MTMR8: variants seen among roughly 807,000 people sequenced by gnomAD.
MTMR8 encodes myotubularin related protein 8, also known as phosphatidylinositol-3,5-bisphosphate 3-phosphatase MTMR8.
MTMR8 carries 65 observed loss-of-function variants against 39.3 expected under a neutral mutation model. The observed-to-expected ratio is 1.65, with a 90% CI of 1.35 to 2.03. The LOEUF (loss-of-function observed/expected upper bound fraction) is 2.03, where lower values mean the gene tolerates loss of function less well. Among genes scored for constraint, MTMR8 ranks in the 30% most tolerant of loss-of-function variants. The probability of loss-of-function intolerance (pLI) is 0.00; values close to 1 mark genes in which losing one functional copy is unlikely to be tolerated. For synonymous variants in MTMR8, 245 were observed against 185.2 expected, an observed-to-expected ratio of 1.32 and a Z score of -2.62; for missense variants, 777 against 538.9, an observed-to-expected ratio of 1.44 and a Z score of -4.37.
At chrX:64,288,385 T>A (rs1191965620) in intron 12 of MTMR8, among the ~76,000 whole-genome samples, 2 of 111,124 alleles carry the variant, frequency 1.8e-5, no homozygotes, top group Non-Finnish European at 3.8e-5. Context: ...CTGGAGAGGA[T>A]GTGGAGAAAT....
chrX:64,277,244 A>C (rs1462666346), intron 12 of MTMR8, among the ~76,000 whole-genome samples: 1 of 111,865 alleles, frequency 8.9e-6, no homozygotes, highest in Non-Finnish European at 1.9e-5. Flanking sequence ...GCCCATTTAC[A>C]TTTAAGGTTA....
chrX:64,343,573 T>C lies in MTMR8; in HGVS notation c.975+38A>G, dbSNP rs1472794750. ...ACTACTACTTCAATATATCCCATAA[T>C]TAAAGTCAGTGCAAATTTTAAAAGT... is the stretch of plus-strand genomic sequence containing the variant. On this transcript the variant is annotated intron_variant, in intron 8 of 13. Coordinates refer to ENST00000374852, the MANE Select transcript of MTMR8 (RefSeq NM_017677.4). The C allele has an allele frequency of 4.5e-6, 4 of 894,703 alleles. No homozygotes were observed. In the East Asian group the frequency reaches 1.3e-4, roughly 29 times the overall value. 73.7% of individuals were successfully genotyped at this position (894,703 alleles called of 1,213,427 possible). A position where few individuals can be genotyped will look rare whatever the true frequency, so the allele number is the denominator to read the frequency against.
At chrX:64,334,213 C>T (rs754330600) in intron 10 of MTMR8, among the ~76,000 whole-genome samples, 1 of 110,316 alleles carries the variant, frequency 9.1e-6, no homozygotes, top group Non-Finnish European at 1.9e-5. Context: ...CAAATAAGTC[C>T]CAAACTGAAG....
chrX:64,354,171 G>A (rs1022941629), intron 4 of MTMR8, among the ~76,000 whole-genome samples: 1 of 107,786 alleles, frequency 9.3e-6, no homozygotes, highest in South Asian at 4.2e-4. Context: ...AGGTTGGTAA[G>A]GGTAGTGGAG....
intron 5 of MTMR8, 138 bp from the exon 6 acceptor site, chrX:64,348,932 A>C: frequency 1.5e-6 from 1 of 667,368 alleles, no homozygotes; most frequent in Non-Finnish European, 2.2e-6. Flanking sequence ...GAGAAATGTG[A>C]CTCTAAAGTC....
chrX:64,300,946 G>A (rs1423244482), intron 12 of MTMR8, among the ~76,000 whole-genome samples: 5 of 109,297 alleles, frequency 4.6e-5, no homozygotes, highest in Non-Finnish European at 7.6e-5. Flanking sequence ...CGAGAGATCC[G>A]CTGTTAGTCT....
chrX:64,328,242 T>C (rs1480000244), intron 12 of MTMR8, among the ~76,000 whole-genome samples: 1 of 111,578 alleles, frequency 9.0e-6, no homozygotes, highest in African/African-American at 3.3e-5. Flanking sequence ...GACATCCAAA[T>C]TGAAAATGAA....
Position 64,268,465 on chromosome X carries a change from C to T in MTMR8, c.*72G>A. ...CCACTTAAACCAATTGGAAAAGCAGCATAGCCCTCTCTGGGACAAGAATCA... is the reference window on the plus strand; with the variant it reads ...CCACTTAAACCAATTGGAAAAGCAGTATAGCCCTCTCTGGGACAAGAATCA... On this transcript the variant is annotated 3_prime_UTR_variant, in exon 14 of 14. Coordinates refer to ENST00000374852, the MANE Select transcript of MTMR8 (RefSeq NM_017677.4). 1 of 1,133,719 alleles carries T rather than the reference C, an allele frequency of 8.8e-7. No homozygotes were observed. Among genetic ancestry groups the T allele is most frequent in the Non-Finnish European group, 1.2e-6 (1 of 852,780 alleles). The allele number at this position is 1,133,719 out of a possible 1,213,427, so 93.4% of individuals were successfully genotyped here. A position where few individuals can be genotyped will look rare whatever the true frequency, so the allele number is the denominator to read the frequency against.
At chrX:64,302,443 C>T (rs988359962) in intron 12 of MTMR8, among the ~76,000 whole-genome samples, 30 of 112,065 alleles carry the variant, frequency 2.7e-4, no homozygotes, top group African/African-American at 9.7e-4. Flanking sequence ...GTGCGCACAC[C>T]CACTGGCCTG....
intron 1 of MTMR8, among the ~76,000 whole-genome samples, chrX:64,374,033 CT>C (rs746671783): frequency 8.9e-6 from 1 of 111,991 alleles, no homozygotes; most frequent in African/African-American, 3.2e-5. Flanking sequence ...TTCAGTAATT[CT>C]TTTTTGAATG....
chrX:64,287,498 G>A (rs889465167), intron 12 of MTMR8, among the ~76,000 whole-genome samples: 116 of 111,008 alleles, frequency 1.0e-3, no homozygotes, highest in African/African-American at 3.2e-3. Context: ...AAAAGAGCCC[G>A]CATTGCCAAG....
At chrX:64,292,177 C>T (rs1921419349) in intron 12 of MTMR8, among the ~76,000 whole-genome samples, 1 of 111,864 alleles carries the variant, frequency 8.9e-6, no homozygotes, top group African/African-American at 3.2e-5. Flanking sequence ...CGATGCTGGT[C>T]TCCTAAGCAC....
chrX:64,366,156 G>C (rs1401860771), intron 1 of MTMR8, among the ~76,000 whole-genome samples: 1 of 111,319 alleles, frequency 9.0e-6, no homozygotes, highest in Non-Finnish European at 1.9e-5. Flanking sequence ...CAATAATGAT[G>C]GGAGACTTTA....
At chrX:64,356,064 G>T in intron 3 of MTMR8, 112 bp downstream of exon 3, 2 of 716,705 alleles carry the variant, frequency 2.8e-6, no homozygotes, top group Non-Finnish European at 4.1e-6. Flanking sequence ...GAGCTAATAA[G>T]TGGTACAGCC....
At chrX:64,327,645 T>G (rs1355617160) in intron 12 of MTMR8, among the ~76,000 whole-genome samples, 2 of 112,312 alleles carry the variant, frequency 1.8e-5, no homozygotes, top group Non-Finnish European at 3.8e-5. Flanking sequence ...AAAAGAGAAC[T>G]GCCCTATGAT....
chrX:64,305,951 C>T (rs1262922051), intron 12 of MTMR8: 4 of 202,128 alleles, frequency 2.0e-5, no homozygotes, highest in Non-Finnish European at 3.7e-5. Context: ...CCTGTCTCTA[C>T]AAACAATTTA....
At chrX:64,323,306 A>C (rs1922704260) in intron 12 of MTMR8, among the ~76,000 whole-genome samples, 1 of 112,514 alleles carries the variant, frequency 8.9e-6, no homozygotes, top group East Asian at 2.8e-4. Flanking sequence ...TAAGGCAAAA[A>C]CTATAAAAAG....
chrX:64,277,524 G>A (rs183706428), intron 12 of MTMR8, among the ~76,000 whole-genome samples: 106 of 112,007 alleles, frequency 9.5e-4, no homozygotes, highest in African/African-American at 2.5e-3. Context: ...GGCTGGATAT[G>A]AGATTCTGGG....
At chrX:64,290,369 T>G (rs1921353470) in intron 12 of MTMR8, among the ~76,000 whole-genome samples, 1 of 110,984 alleles carries the variant, frequency 9.0e-6, no homozygotes, top group Admixed American at 9.6e-5. Flanking sequence ...CTGTTTAGTT[T>G]TTTATCTTAT....
Sources: gnomAD v4.1 joint callset for allele counts (sites outside exome capture counted in the v4.1 genomes callset) on GRCh38, gnomAD v4.1.1 for gene constraint, MANE v1.5 for transcripts, NCBI Gene and HGNC (gene_info 2026-07-23, HGNC 2026-07-21) for gene names.